COL21A1: variants seen among roughly 807,000 people sequenced by gnomAD.
The protein encoded by COL21A1 is collagen alpha-1(XXI) chain.
A neutral mutation model predicts 137.9 loss-of-function variants in COL21A1; 149 were observed. The ratio of observed to expected loss-of-function variants is 1.08; its 90% CI spans 0.95 to 1.24. The LOEUF is 1.24. Among genes scored for constraint, COL21A1 ranks in the 50% most tolerant of loss-of-function variants. The pLI, the probability that COL21A1 is intolerant of heterozygous loss-of-function variation, is 0.00. For missense variants in COL21A1, 1,167 were observed against 1,158.4 expected (o/e 1.01, Z -0.11); for synonymous variants, 456 against 391.5 (o/e 1.16, Z -1.95).
At chr6:56,334,361 C>G (rs1765294119) in intron 1 of COL21A1, among the ~76,000 whole-genome samples, 1 of 152,044 alleles carries the variant, frequency 6.6e-6, no homozygotes, top group Non-Finnish European at 1.5e-5. Flanking sequence ...TACCTTAGAG[C>G]ACGTCTGTGG....
chr6:56,346,310 A>G (rs367816497), intron 1 of COL21A1, among the ~76,000 whole-genome samples: 89 of 152,332 alleles, frequency 5.8e-4, no homozygotes, highest in Middle Eastern at 3.4e-3. Flanking sequence ...TGGTTTGCCT[A>G]TTCCTCAAAT....
chr6:56,214,777 T>C lies in COL21A1; in HGVS notation c.-38-32121A>G, dbSNP rs190150034. On this transcript the variant is annotated intron_variant, in intron 1 of 29. Transcript: ENST00000244728. ...ACATTAATGATTTTAAAAAGATTTT[T>C]GTCTTATGTTTTCCATTTATTAAAA... is the stretch of plus-strand genomic sequence containing the variant. 3.5e-3 allele frequency among the ~76,000 whole-genome samples: 539 copies of C among 152,216 alleles called. 5 individuals carry two copies. The highest frequency in any genetic ancestry group is 0.024 in the Middle Eastern group (7 of 294).
chr6:56,268,802 TAG>T (rs1763455478), intron 1 of COL21A1, among the ~76,000 whole-genome samples: 1 of 152,162 alleles, frequency 6.6e-6, no homozygotes, highest in Non-Finnish European at 1.5e-5. Flanking sequence ...ATGATAGACA[TAG>T]AATTCAGAAT....
chr6:56,380,510 A>T (rs2094007067), intron 1 of COL21A1, among the ~76,000 whole-genome samples: 2 of 152,114 alleles, frequency 1.3e-5, no homozygotes, highest in African/African-American at 2.4e-5. Context: ...CTACTCAATA[A>T]AATTATCTGT....
intron 1 of COL21A1, among the ~76,000 whole-genome samples, chr6:56,272,916 G>A (rs916543018): frequency 3.3e-5 from 5 of 152,112 alleles, no homozygotes; most frequent in African/African-American, 1.2e-4. Context: ...CCAGTCTCAG[G>A]TAGTATCTTT....
chr6:56,311,808 A>T (rs756793300), intron 1 of COL21A1, among the ~76,000 whole-genome samples: 20 of 152,202 alleles, frequency 1.3e-4, no homozygotes, highest in Admixed American at 3.3e-4. Flanking sequence ...ATGAAACTAC[A>T]GAATGATCCT....
chr6:56,386,357 G>A (rs1354949843), intron 1 of COL21A1, among the ~76,000 whole-genome samples: 3 of 152,186 alleles, frequency 2.0e-5, no homozygotes, highest in Non-Finnish European at 2.9e-5. Flanking sequence ...TTTGGCTAAT[G>A]TGAATAGTGC....
chr6:56,241,886 G>A (rs960180943), intron 1 of COL21A1, among the ~76,000 whole-genome samples: 1 of 152,126 alleles, frequency 6.6e-6, no homozygotes, highest in African/African-American at 2.4e-5. Flanking sequence ...TTTCAATAAT[G>A]AATTGAAGGG....
At chr6:56,300,084 G>A (rs1417096045) in intron 1 of COL21A1, among the ~76,000 whole-genome samples, 1 of 151,970 alleles carries the variant, frequency 6.6e-6, no homozygotes, top group Non-Finnish European at 1.5e-5. Context: ...TCCACATAAG[G>A]TAAAGAAAAG....
chr6:56,338,700 C>A (rs946642834), intron 1 of COL21A1, among the ~76,000 whole-genome samples: 7 of 152,192 alleles, frequency 4.6e-5, no homozygotes, highest in African/African-American at 1.7e-4. Flanking sequence ...ATCTTAGGGG[C>A]TTCTCTAATA....
chr6:56,364,616 C>T lies in COL21A1; in HGVS notation c.-39+29355G>A, dbSNP rs1766054673. The stretch of plus-strand genomic sequence containing the variant: ...TTCCCATCACAAGCCTTGCCTGGTT[C>T]TCAGACAGCTGAGCTTGGTGCCCTT... On this transcript the variant is annotated intron_variant, in intron 1 of 28. Coordinates refer to the COL21A1 transcript ENST00000370819. Among the ~76,000 whole-genome samples the T allele has an allele frequency of 2.0e-5, 3 of 152,290 alleles. No individual in the cohort carries two copies. In the South Asian group the frequency reaches 6.2e-4, roughly 32 times the overall value.
At chr6:56,373,315 G>A (rs1026397374) in intron 1 of COL21A1, among the ~76,000 whole-genome samples, 1 of 152,192 alleles carries the variant, frequency 6.6e-6, no homozygotes, top group African/African-American at 2.4e-5. Context: ...ATTTAAAAAT[G>A]TTTAGGCCAG....
chr6:56,170,610 T>C (rs1366393850), intron 5 of COL21A1, 39 bp downstream of exon 5: 1 of 1,391,064 alleles, frequency 7.2e-7, no homozygotes. Context: ...TGCTTCCCCA[T>C]GAATATCATA....
intron 1 of COL21A1, among the ~76,000 whole-genome samples, chr6:56,268,812 A>C (rs1381282142): frequency 1.3e-5 from 2 of 152,232 alleles, no homozygotes; most frequent in Non-Finnish European, 2.9e-5. Flanking sequence ...TAGAATTCAG[A>C]ATCTGGATGG....
In COL21A1 at chr6:56,182,506, A is replaced by G. The variant is rs775455355; in HGVS notation, c.88+25T>C. The stretch of plus-strand genomic sequence containing the variant: ...TCCAGATTAATTTGTTGATAACAAA[A>G]AAGGACAATGCTGATAGTTCTTACT... On this transcript the variant is annotated intron_variant, in intron 2 of 29. Transcript: ENST00000244728. 2.7e-6 allele frequency: 4 copies of G among 1,478,198 alleles called. No individual in the cohort carries two copies. In the South Asian group the frequency reaches 4.8e-5, roughly 18 times the overall value. 91.6% of individuals were successfully genotyped at this position (1,478,198 alleles called of 1,614,324 possible). A position where few individuals can be genotyped will look rare whatever the true frequency, so the allele number is the denominator to read the frequency against.
intron 3 of COL21A1, among the ~76,000 whole-genome samples, chr6:56,173,073 G>A (rs902837302): frequency 3.9e-5 from 6 of 152,234 alleles, no homozygotes; most frequent in Admixed American, 1.3e-4. Context: ...ATGTAAGTGA[G>A]TATACTCCTT....
chr6:56,117,970 C>T (rs1164975568), intron 16 of COL21A1, among the ~76,000 whole-genome samples: 2 of 151,546 alleles, frequency 1.3e-5, no homozygotes, highest in Non-Finnish European at 3.0e-5. Context: ...TAAGTATCTA[C>T]ATCAAAAAAG....
In COL21A1 at chr6:56,337,226, G is replaced by A. The variant is rs112298693; in HGVS notation, c.-39+56745C>T. 7.1e-3 allele frequency among the ~76,000 whole-genome samples: 1,078 copies of A among 152,196 alleles called. 9 individuals are homozygous for A. The highest frequency in any genetic ancestry group is 0.024 in the African/African-American group (1,006 of 41,510). ...ACAATGAACCTTTTTAATTTAGAAT[G>A]GGTATCTGAAGGGCTCCACCACATA... On this transcript the variant is annotated intron_variant, in intron 1 of 28. Coordinates refer to the COL21A1 transcript ENST00000370819.
At chr6:56,300,902 A>T (rs1258766677) in intron 1 of COL21A1, among the ~76,000 whole-genome samples, 2 of 152,164 alleles carry the variant, frequency 1.3e-5, no homozygotes, top group South Asian at 4.1e-4. Context: ...CCCAATCTAA[A>T]CCTATCAAAT....
Sources: allele counts gnomAD v4.1 joint callset (sites outside exome capture counted in the v4.1 genomes callset), GRCh38; gene constraint gnomAD v4.1.1; transcripts MANE v1.5; gene names NCBI Gene and HGNC (gene_info 2026-07-23, HGNC 2026-07-21).